Variants in INPP4B observed in about 807,000 individuals in gnomAD.
The protein encoded by INPP4B is inositol polyphosphate 4-phosphatase type II.
INPP4B carries 55 observed loss-of-function variants against 122.5 expected under a neutral mutation model. That is an observed-to-expected ratio of 0.45 (90% CI 0.36 to 0.56). INPP4B has a LOEUF of 0.56. Ranked by LOEUF, INPP4B falls within the 20% of genes least tolerant of loss-of-function variation. INPP4B has a pLI of 0.00. For synonymous variants in INPP4B, 403 were observed against 388.7 expected, an observed-to-expected ratio of 1.04 and a Z score of -0.43; for missense variants, 1,000 against 1,097.7, an observed-to-expected ratio of 0.91 and a Z score of 1.26.
intron 2 of INPP4B, among the ~76,000 whole-genome samples, chr4:142,616,992 G>A (rs1428626320): frequency 6.6e-6 from 1 of 152,066 alleles, no homozygotes; most frequent in Non-Finnish European, 1.5e-5. Flanking sequence ...TGGGTACATT[G>A]TGCAGTATTT....
chr4:142,136,759 G>A (rs1442108729), intron 18 of INPP4B, among the ~76,000 whole-genome samples: 1 of 152,166 alleles, frequency 6.6e-6, no homozygotes, highest in Non-Finnish European at 1.5e-5. Context: ...GTAAAAGAGG[G>A]AGAAAGCTTG....
At chr4:142,640,027 T>A (rs1374363946) in intron 2 of INPP4B, among the ~76,000 whole-genome samples, 1 of 152,012 alleles carries the variant, frequency 6.6e-6, no homozygotes, top group Non-Finnish European at 1.5e-5. Context: ...TCAGTAATAA[T>A]ATGAATAGTG....
chr4:142,476,465 A>G (rs531573054), intron 2 of INPP4B, among the ~76,000 whole-genome samples: 60 of 152,238 alleles, frequency 3.9e-4, no homozygotes, highest in African/African-American at 1.3e-3. Context: ...ACACAAGGAC[A>G]GGCTCAAACC....
At chr4:142,214,755 G>A (rs1846345842) in intron 12 of INPP4B, among the ~76,000 whole-genome samples, 1 of 152,120 alleles carries the variant, frequency 6.6e-6, no homozygotes, top group Non-Finnish European at 1.5e-5. Context: ...GTTTCACCGT[G>A]TTAGTCAGGC....
chr4:142,784,159 T>A (rs1188713205), intron 1 of INPP4B, among the ~76,000 whole-genome samples: 1 of 151,984 alleles, frequency 6.6e-6, no homozygotes, highest in Non-Finnish European at 1.5e-5. Flanking sequence ...TGTCAGGAGT[T>A]CTAGACCAGC....
chr4:142,537,429 T>TATATATATATATATAGAGAGAGAG (rs1200701380), intron 2 of INPP4B, among the ~76,000 whole-genome samples: 4 of 25,486 alleles, frequency 1.6e-4, no homozygotes, highest in African/African-American at 2.4e-4. Context: ...TATATATATA[T>TATATATATATATATAGAGAGAGAG]AGAGAGAGAG....
At chr4:142,309,325 G>A (rs538058438) in intron 8 of INPP4B, among the ~76,000 whole-genome samples, 2 of 151,762 alleles carry the variant, frequency 1.3e-5, no homozygotes, top group South Asian at 2.1e-4. Flanking sequence ...GAGATTTGGG[G>A]GAAATATAAC....
At chr4:142,436,731 C>A (rs1209223474) in intron 3 of INPP4B, among the ~76,000 whole-genome samples, 2 of 151,862 alleles carry the variant, frequency 1.3e-5, no homozygotes, top group East Asian at 3.9e-4. Flanking sequence ...CAAAAATGTC[C>A]CCACAGAAAC....
chr4:142,755,567 G>A (rs554186199), intron 1 of INPP4B, among the ~76,000 whole-genome samples: 91 of 152,080 alleles, frequency 6.0e-4, no homozygotes, highest in Admixed American at 1.8e-3. Context: ...AGAGCTGAAG[G>A]TCCCTTCTGA....
intron 2 of INPP4B, among the ~76,000 whole-genome samples, chr4:142,629,573 C>G (rs1747449394): frequency 6.6e-6 from 1 of 151,798 alleles, no homozygotes; most frequent in Non-Finnish European, 1.5e-5. Context: ...TAAGCTGGGT[C>G]TTTACAATAT....
intron 12 of INPP4B, among the ~76,000 whole-genome samples, chr4:142,233,457 A>AT (rs1374611059): frequency 5.3e-5 from 8 of 152,074 alleles, no homozygotes; most frequent in African/African-American, 1.9e-4. Context: ...AACAAGCAAA[A>AT]TTTTTGCTTA....
intron 2 of INPP4B, among the ~76,000 whole-genome samples, chr4:142,593,424 C>T (rs1444787393): frequency 1.3e-5 from 2 of 152,126 alleles, no homozygotes; most frequent in East Asian, 1.9e-4. Flanking sequence ...TTATCAGCCC[C>T]CACTTGACCT....
intron 7 of INPP4B, among the ~76,000 whole-genome samples, chr4:142,333,089 A>C (rs1309096483): frequency 6.6e-6 from 1 of 151,852 alleles, no homozygotes; most frequent in African/African-American, 2.4e-5. Context: ...TAAAACAGAG[A>C]CAGATTACAT....
At chr4:142,595,134 C>T (rs528903685) in intron 2 of INPP4B, among the ~76,000 whole-genome samples, 18 of 151,878 alleles carry the variant, frequency 1.2e-4, no homozygotes, top group African/African-American at 4.1e-4. Flanking sequence ...CGTAAGTTTT[C>T]TGTAATAGTG....
At chr4:142,756,312 T>A (rs1313053330) in intron 1 of INPP4B, among the ~76,000 whole-genome samples, 2 of 152,026 alleles carry the variant, frequency 1.3e-5, no homozygotes, top group African/African-American at 4.8e-5. Flanking sequence ...TTTCATGACA[T>A]TAGAAAACTG....
intron 1 of INPP4B, among the ~76,000 whole-genome samples, chr4:142,737,735 G>T (rs1767185003): frequency 6.6e-6 from 1 of 152,034 alleles, no homozygotes; most frequent in African/African-American, 2.4e-5. Flanking sequence ...CTAATATCCA[G>T]AATCTACAAT....
chr4:142,423,899 C>A (rs1807478216), intron 5 of INPP4B: 2 of 378,674 alleles, frequency 5.3e-6, no homozygotes, highest in South Asian at 2.0e-5. Context: ...AATCAGGAAT[C>A]CTATTTGAGG....
intron 7 of INPP4B, among the ~76,000 whole-genome samples, chr4:142,317,085 CACAAAAGAGGTG>C (rs1767994381): frequency 6.6e-6 from 1 of 152,122 alleles, no homozygotes; most frequent in South Asian, 2.1e-4. Context: ...GGAAAGGCTT[CACAAAAGAGGTG>C]GTCTGGGTTT....
rs1209546935 is a variant in INPP4B at position 142,524,013 on chromosome 4, T to C, written c.-190-61287A>G. On this transcript the variant is annotated intron_variant, in intron 2 of 25. Transcript: ENST00000262992. ...CATCATTTTTTATGGCTGCATAGTA[T>C]TCCATGGTGTATATGTGCCACATTT... Among the ~76,000 whole-genome samples the C allele has an allele frequency of 2.7e-5, 4 of 150,212 alleles. No homozygotes were observed. In the East Asian group the frequency reaches 7.9e-4, roughly 30 times the overall value.
Sources: allele counts gnomAD v4.1 joint callset (sites outside exome capture counted in the v4.1 genomes callset), GRCh38; gene constraint gnomAD v4.1.1; transcripts MANE v1.5; gene names NCBI Gene and HGNC (gene_info 2026-07-23, HGNC 2026-07-21).